The following DLGAP2 variants were observed in gnomAD, a reference collection of about 807,000 sequenced individuals.
The protein encoded by DLGAP2 is disks large-associated protein 2.
DLGAP2 carries 26 observed loss-of-function variants against 100.3 expected under a neutral mutation model. That is an observed-to-expected ratio of 0.26 (90% CI 0.19 to 0.36). The LOEUF (loss-of-function observed/expected upper bound fraction) is 0.36, where lower values mean the gene tolerates loss of function less well. Among genes scored for constraint, DLGAP2 ranks in the 10% least tolerant of loss-of-function variants. The pLI, the probability that DLGAP2 is intolerant of heterozygous loss-of-function variation, is 1.00. For missense variants in DLGAP2, 1,858 were observed against 1,453.2 expected, an observed-to-expected ratio of 1.28 and a Z score of -4.53; for synonymous variants, 886 against 630.1, an observed-to-expected ratio of 1.41 and a Z score of -6.08.
At chr8:805,888 G>T (rs935239788) in intron 1 of DLGAP2, among the ~76,000 whole-genome samples, 8 of 152,230 alleles carry the variant, frequency 5.3e-5, no homozygotes, top group Admixed American at 2.0e-4. Flanking sequence ...ATGTGGTCCA[G>T]GCTGGGAACA....
At chr8:789,037 A>C (rs1381598405) in intron 1 of DLGAP2, among the ~76,000 whole-genome samples, 1 of 152,180 alleles carries the variant, frequency 6.6e-6, no homozygotes, top group Non-Finnish European at 1.5e-5. Flanking sequence ...GTTTTTAAAA[A>C]CATGCTTTTC....
At chr8:747,736 G>A (rs1181130169) in intron 1 of DLGAP2, among the ~76,000 whole-genome samples, 1 of 29,508 alleles carries the variant, frequency 3.4e-5, no homozygotes, top group East Asian at 7.0e-4. Context: ...CGGTGGGATG[G>A]GGGGGCTCTG....
At chr8:1,701,090 T>G in intron 14 of DLGAP2, 98 bp from the exon 15 acceptor site, 1 of 1,131,698 alleles carries the variant, frequency 8.8e-7, no homozygotes, top group Non-Finnish European at 1.2e-6. Context: ...GGGGCTGCGG[T>G]CGGGAAGGGT....
chr8:851,861 G>C (rs564695169), intron 1 of DLGAP2, among the ~76,000 whole-genome samples: 1 of 148,886 alleles, frequency 6.7e-6, no homozygotes, highest in African/African-American at 2.4e-5. Flanking sequence ...AGCTGCAGGG[G>C]GCCCCCGCTG....
At chr8:1,663,597 A>C (rs949040049) in intron 8 of DLGAP2, among the ~76,000 whole-genome samples, 1 of 152,156 alleles carries the variant, frequency 6.6e-6, no homozygotes, top group African/African-American at 2.4e-5. Flanking sequence ...CAGATTTTGC[A>C]GGAAAGGACC....
intron 3 of DLGAP2, among the ~76,000 whole-genome samples, chr8:1,379,014 A>T (rs1796029766): frequency 6.6e-6 from 1 of 152,230 alleles, no homozygotes; most frequent in Admixed American, 6.5e-5. Flanking sequence ...ACATTGGGCT[A>T]TGGATAAAGC....
At chr8:1,227,817 G>T (rs1027123289) in intron 2 of DLGAP2, among the ~76,000 whole-genome samples, 21 of 152,238 alleles carry the variant, frequency 1.4e-4, no homozygotes, top group African/African-American at 5.1e-4. Context: ...CAAGTCTGGA[G>T]ATCTATCATA....
intron 2 of DLGAP2, among the ~76,000 whole-genome samples, chr8:1,039,781 G>A (rs1417306134): frequency 7.7e-5 from 11 of 142,728 alleles, no homozygotes; most frequent in South Asian, 2.3e-4. Flanking sequence ...TGGTTGGCTC[G>A]GTATGCATGT....
rs535450994 is a variant in DLGAP2, at chr8:1,071,744, C to A, written c.73+163778C>A. ...ATGTGTGCAATTTTGATTTATTTTC[C>A]TAATATGTGTGTGTATAGATAAATG... is the stretch of plus-strand genomic sequence containing the variant. On this transcript the variant is annotated intron_variant, in intron 2 of 14. Transcript: ENST00000637795. Among the ~76,000 whole-genome samples, 3 of 152,208 alleles carry A rather than the reference C, an allele frequency of 2.0e-5. No homozygotes were observed. In the South Asian group the frequency reaches 6.2e-4, roughly 32 times the overall value.
chr8:747,488 A>G (rs1015891269), intron 1 of DLGAP2, among the ~76,000 whole-genome samples: 1 of 142,690 alleles, frequency 7.0e-6, no homozygotes, highest in African/African-American at 2.7e-5. Flanking sequence ...GCCACGTTCC[A>G]GCCGAGGGGA....
intron 6 of DLGAP2, among the ~76,000 whole-genome samples, chr8:1,590,326 A>G (rs999066830): frequency 6.6e-6 from 1 of 152,240 alleles, no homozygotes; most frequent in African/African-American, 2.4e-5. Flanking sequence ...CGTCGCCAGG[A>G]TAATGAAGTA....
chr8:1,280,402 C>T (rs1443288051), intron 3 of DLGAP2, among the ~76,000 whole-genome samples: 1 of 152,170 alleles, frequency 6.6e-6, no homozygotes, highest in Admixed American at 6.5e-5. Context: ...ACTTATTTAT[C>T]TCTATTTAAT....
chr8:1,308,825 C>G (rs938165908), intron 3 of DLGAP2, among the ~76,000 whole-genome samples: 5 of 152,260 alleles, frequency 3.3e-5, no homozygotes, highest in East Asian at 1.9e-4. Flanking sequence ...GTGCCTGGCC[C>G]TAAATAATAT....
chr8:849,521 G>A (rs1361933204), intron 1 of DLGAP2, among the ~76,000 whole-genome samples: 1 of 152,180 alleles, frequency 6.6e-6, no homozygotes, highest in African/African-American at 2.4e-5. Context: ...TTTATGAGAA[G>A]CTGCCAAGCT....
intron 5 of DLGAP2, among the ~76,000 whole-genome samples, chr8:1,563,136 A>G (rs13281866): frequency 1.2e-3 from 38 of 31,742 alleles, no homozygotes; most frequent in Admixed American, 2.4e-3. Context: ...TTGCTGGGGG[A>G]CTGTGTGGTG....
chr8:1,040,607 TCGGTGTGCG>T (rs1802316646), intron 2 of DLGAP2, among the ~76,000 whole-genome samples: 1 of 149,902 alleles, frequency 6.7e-6, no homozygotes, highest in African/African-American at 2.5e-5. Flanking sequence ...CGTGGTCAGC[TCGGTGTGCG>T]TGGTCGGCTC....
At chr8:1,226,684 C>T (rs1448288778) in intron 2 of DLGAP2, among the ~76,000 whole-genome samples, 1 of 152,064 alleles carries the variant, frequency 6.6e-6, no homozygotes, top group Non-Finnish European at 1.5e-5. Context: ...TAAAAATGAC[C>T]AACATGGTTT....
chr8:1,433,866 T>C (rs984159194), intron 3 of DLGAP2, among the ~76,000 whole-genome samples: 83 of 151,820 alleles, frequency 5.5e-4, no homozygotes, highest in African/African-American at 2.0e-3. Context: ...AATTTCTCCA[T>C]GATGCACATG....
intron 2 of DLGAP2, among the ~76,000 whole-genome samples, chr8:1,123,744 T>C (rs1796102566): frequency 1.3e-5 from 2 of 152,220 alleles, no homozygotes; most frequent in Non-Finnish European, 2.9e-5. Context: ...TCCCTGCCTT[T>C]CTCTCACCAC....
Sources: gnomAD v4.1 joint callset for allele counts (sites outside exome capture counted in the v4.1 genomes callset) on GRCh38, gnomAD v4.1.1 for gene constraint, MANE v1.5 for transcripts, NCBI Gene and HGNC (gene_info 2026-07-23, HGNC 2026-07-21) for gene names.